Variants in NRG1 observed in about 807,000 individuals in gnomAD.
NRG1 encodes neuregulin 1.
Under a neutral mutation model 63.8 loss-of-function variants are expected in NRG1, and 18 were observed. The ratio of observed to expected loss-of-function variants is 0.28; its 90% CI spans 0.19 to 0.42. NRG1 has a LOEUF of 0.42. Among genes scored for constraint, NRG1 ranks in the 10% least tolerant of loss-of-function variants. NRG1 has a pLI of 1.00. For missense variants in NRG1, 762 were observed against 814.7 expected, an observed-to-expected ratio of 0.94 and a Z score of 0.79; for synonymous variants, 302 against 301.3, an observed-to-expected ratio of 1.00 and a Z score of -0.02.
At position 31,855,972 on chromosome 8, in the gene NRG1, C is replaced by G. The variant is rs545003068; in HGVS notation, c.37+216541C>G. Among the ~76,000 whole-genome samples the G allele has an allele frequency of 5.3e-3, 794 of 149,978 alleles. 12 individuals are homozygous for G. The highest frequency in any genetic ancestry group is 0.019 in the African/African-American group (770 of 40,450). On this transcript the variant is annotated intron_variant, in intron 1 of 10. Coordinates refer to the NRG1 transcript ENST00000519301. ...CTCTTCTGGCTTGTAGAGTTTCTGC[C>G]GAGAGATCTGCTGTTAGTCTGATGG...
At chr8:31,939,071 G>T (rs1455423572) in intron 1 of NRG1, among the ~76,000 whole-genome samples, 1 of 152,072 alleles carries the variant, frequency 6.6e-6, no homozygotes, top group Non-Finnish European at 1.5e-5. Flanking sequence ...GAACACCTGG[G>T]AAACTCATCG....
intron 1 of NRG1, among the ~76,000 whole-genome samples, chr8:32,149,946 TC>T (rs1171191481): frequency 6.6e-6 from 1 of 152,226 alleles, no homozygotes; most frequent in Non-Finnish European, 1.5e-5. Context: ...TAAAATTATT[TC>T]ATCTAATAAT....
At chr8:32,608,107 GTTTTTT>G (rs1224928528) in intron 3 of NRG1, among the ~76,000 whole-genome samples, 18 of 104,844 alleles carry the variant, frequency 1.7e-4, no homozygotes, top group Admixed American at 6.1e-4. Flanking sequence ...TTTTTTTTTT[GTTTTTT>G]TTTTTTTTTG....
At chr8:32,494,228 T>C (rs7813862) in intron 1 of NRG1, among the ~76,000 whole-genome samples, 96,684 of 152,014 alleles carry the variant, frequency 0.64, 31,035 homozygotes, top group East Asian at 0.79. Flanking sequence ...AAGTAATACA[T>C]GTTTATTGTA....
chr8:31,821,192 G>T (rs1375401732), intron 1 of NRG1, among the ~76,000 whole-genome samples: 1 of 152,118 alleles, frequency 6.6e-6, no homozygotes, highest in African/African-American at 2.4e-5. Context: ...ATGTTTTGGG[G>T]CATATTTTTG....
At chr8:32,249,328 T>A (rs1848874301) in intron 1 of NRG1, among the ~76,000 whole-genome samples, 1 of 152,038 alleles carries the variant, frequency 6.6e-6, no homozygotes. Flanking sequence ...ATTACAGACA[T>A]GTAGACATTA....
intron 1 of NRG1, among the ~76,000 whole-genome samples, chr8:31,932,878 T>A (rs1488894566): frequency 6.6e-6 from 1 of 152,164 alleles, no homozygotes; most frequent in Non-Finnish European, 1.5e-5. Flanking sequence ...CCGAATCACT[T>A]GTTTATGTGT....
At chr8:32,771,276 A>ATTTT (rs553989637), downstream of NRG1, among the ~76,000 whole-genome samples, 6 of 92,764 alleles carry the variant, frequency 6.5e-5, no homozygotes, top group African/African-American at 9.4e-5. Context: ...ATGCCCAGCG[A>ATTTT]TTTTTTTTTT....
intron 7 of NRG1, chr8:32,749,805 T>G (rs1424975821): frequency 2.2e-5 from 13 of 584,602 alleles, no homozygotes; most frequent in Non-Finnish European, 3.9e-5. Context: ...CATCCTTCAC[T>G]TAGAGTTTAA....
chr8:32,323,178 A>G (rs1266896127), intron 1 of NRG1, among the ~76,000 whole-genome samples: 1 of 151,966 alleles, frequency 6.6e-6, no homozygotes, highest in Non-Finnish European at 1.5e-5. Context: ...CCCTTCCCTC[A>G]TTCATTGTTC....
chr8:31,734,345 G>T (rs1462714578), intron 1 of NRG1, among the ~76,000 whole-genome samples: 3 of 152,098 alleles, frequency 2.0e-5, no homozygotes, highest in African/African-American at 4.8e-5. Flanking sequence ...AAGAAATAGA[G>T]TACAGATTGT....
chr8:32,248,010 T>G (rs1678458943), intron 1 of NRG1, among the ~76,000 whole-genome samples: 1 of 152,130 alleles, frequency 6.6e-6, no homozygotes, highest in Admixed American at 6.6e-5. Context: ...TAGCTAGCAC[T>G]GACCACAGCA....
intron 1 of NRG1, among the ~76,000 whole-genome samples, chr8:31,654,203 G>A (rs1805190177): frequency 6.6e-6 from 1 of 152,128 alleles, no homozygotes; most frequent in Non-Finnish European, 1.5e-5. Context: ...TGATTAAAGT[G>A]CCAATATCAT....
At chr8:32,728,284 T>G (rs1343695273) in intron 6 of NRG1, 3 of 984,474 alleles carry the variant, frequency 3.0e-6, no homozygotes, top group Non-Finnish European at 3.6e-6. Flanking sequence ...CTCTTTTCAA[T>G]GTGTGTGAGG....
chr8:32,280,624 T>A, intron 1 of NRG1, among the ~76,000 whole-genome samples: 1 of 148,604 alleles, frequency 6.7e-6, no homozygotes, highest in East Asian at 2.2e-4. Flanking sequence ...TGGTGAAAAA[T>A]TCTGGATACA....
chr8:31,752,024 G>A (rs919085629), intron 1 of NRG1, among the ~76,000 whole-genome samples: 1 of 151,942 alleles, frequency 6.6e-6, no homozygotes, highest in Non-Finnish European at 1.5e-5. Flanking sequence ...AAAGGCAGTT[G>A]GATCTGGACT....
intron 1 of NRG1, among the ~76,000 whole-genome samples, chr8:31,820,931 C>A (rs1043460845): frequency 6.6e-6 from 1 of 152,072 alleles, no homozygotes; most frequent in Admixed American, 6.5e-5. Context: ...TCCCTTGATA[C>A]CCTTGGGGAA....
At chr8:32,297,940 G>T (rs186358005) in intron 1 of NRG1, among the ~76,000 whole-genome samples, 68 of 152,322 alleles carry the variant, frequency 4.5e-4, no homozygotes, top group African/African-American at 1.5e-3. Context: ...AGAATGCTTT[G>T]CAACTGTACT....
chr8:32,225,395 C>T (rs919773777), intron 1 of NRG1, among the ~76,000 whole-genome samples: 1 of 152,178 alleles, frequency 6.6e-6, no homozygotes, highest in South Asian at 2.1e-4. Context: ...GTGTCCCCAC[C>T]ACCAGAGTTT....
Sources: gnomAD v4.1 joint callset for allele counts (sites outside exome capture counted in the v4.1 genomes callset) on GRCh38, gnomAD v4.1.1 for gene constraint, MANE v1.5 for transcripts, NCBI Gene and HGNC (gene_info 2026-07-23, HGNC 2026-07-21) for gene names.